Variants in PARD3B observed in about 807,000 individuals in gnomAD.
PARD3B encodes the protein partitioning defective 3 homolog B.
In PARD3B, 103 loss-of-function variants were observed where a neutral mutation model predicts 130.2. The ratio of observed to expected loss-of-function variants is 0.79; its 90% confidence interval spans 0.67 to 0.93. The LOEUF is 0.93. Among genes scored for constraint, PARD3B ranks in the 40% least tolerant of loss-of-function variants. The pLI is 0.00. For missense variants in PARD3B, 1,609 were observed against 1,499.2 expected (o/e 1.07, Z -1.21); for synonymous variants, 583 against 553.2 (o/e 1.05, Z -0.76).
In PARD3B at chr2:204,553,617, TATAC is replaced by T. The variant is rs1421663369; in HGVS notation, c.120+7502_120+7505del. On this transcript the variant is annotated intron_variant, in intron 1 of 22. Coordinates refer to ENST00000406610, the MANE Select transcript of PARD3B (RefSeq NM_001302769.2). Reference sequence around the variant, plus strand: ...ACATATATATGTATATATATGGCTATATACATATATATGGATATATATTTATATA... The same window carrying T: ...ACATATATATGTATATATATGGCTATATATATATGGATATATATTTATATA... Among the ~76,000 whole-genome samples, 354 of 137,808 alleles carry T rather than the reference TATAC, an allele frequency of 2.6e-3. 2 individuals are homozygous for T. The highest frequency in any genetic ancestry group is 9.3e-3 in the African/African-American group (331 of 35,544). The allele number at this position is 137,808 out of a possible 152,430, so 90.4% of individuals were successfully genotyped here.
chr2:205,055,038 T>C (rs1699547458), intron 4 of PARD3B, among the ~76,000 whole-genome samples: 1 of 152,138 alleles, frequency 6.6e-6, no homozygotes, highest in Admixed American at 6.6e-5. Flanking sequence ...GACTGTGAAC[T>C]CTTCAGAGGC....
At chr2:204,627,694 C>G (rs1368894844) in intron 1 of PARD3B, among the ~76,000 whole-genome samples, 1 of 152,038 alleles carries the variant, frequency 6.6e-6, no homozygotes, top group Admixed American at 6.6e-5. Flanking sequence ...TGTTCGTAAG[C>G]ATTATCTCCT....
At chr2:204,856,249 G>A (rs2044932335) in intron 2 of PARD3B, among the ~76,000 whole-genome samples, 1 of 152,112 alleles carries the variant, frequency 6.6e-6, no homozygotes, top group African/African-American at 2.4e-5. Flanking sequence ...TAACAGGCAG[G>A]AGGTGATATC....
At chr2:205,037,038 A>G (rs1236794244) in intron 3 of PARD3B, among the ~76,000 whole-genome samples, 4 of 150,182 alleles carry the variant, frequency 2.7e-5, no homozygotes, top group Admixed American at 6.7e-5. Flanking sequence ...AGCGGACTGT[A>G]TACATAAAAC....
intron 4 of PARD3B, among the ~76,000 whole-genome samples, chr2:205,087,591 CTG>C (rs1278900655): frequency 1.3e-5 from 2 of 151,868 alleles, no homozygotes; most frequent in East Asian, 3.8e-4. Context: ...TGTAATGAGA[CTG>C]TTACAAATGA....
intron 19 of PARD3B, among the ~76,000 whole-genome samples, chr2:205,419,926 T>C (rs1449501125): frequency 1.3e-5 from 2 of 152,106 alleles, no homozygotes; most frequent in Admixed American, 6.6e-5. Context: ...CAAAAAAAAA[T>C]CTGTTCAGTG....
At position 204,942,158 on chromosome 2, in the gene PARD3B, C is replaced by A. The variant is rs60132405; in HGVS notation, c.223-22994C>A. ...TTAGGATATAGTAATCAAAGCAGTT[C>A]TATGATGCTTGTTACAAACCAATTG... On this transcript the variant is annotated intron_variant, in intron 2 of 22. Transcript: ENST00000406610. Among the ~76,000 whole-genome samples the A allele has an allele frequency of 4.1e-3, 625 of 152,224 alleles. 8 individuals are homozygous for A. The highest frequency in any genetic ancestry group is 0.014 in the African/African-American group (564 of 41,526).
chr2:205,134,378 G>T (rs1289074711), intron 10 of PARD3B, among the ~76,000 whole-genome samples: 3 of 139,982 alleles, frequency 2.1e-5, no homozygotes, highest in Non-Finnish European at 4.8e-5. Flanking sequence ...AAAAAAATTA[G>T]CCAGGCATGG....
In PARD3B at chr2:205,565,220, T is replaced by C. The variant is rs555886954; in HGVS notation, c.3260+11817T>C. Among the ~76,000 whole-genome samples, 6 of 152,302 alleles carry C rather than the reference T, an allele frequency of 3.9e-5. No individual in the cohort carries two copies. The South Asian group carries it at 1.0e-3, about 26-fold the overall frequency. On this transcript the variant is annotated intron_variant, in intron 22 of 22. Transcript: ENST00000406610. ...TTTTACAAGGCACTGGAAAGATCTA[T>C]AATTGTTACAGCAGAGGTTTAAGAT... is the stretch of plus-strand genomic sequence containing the variant.
chr2:204,663,943 T>A (rs929168622), intron 1 of PARD3B, among the ~76,000 whole-genome samples: 1 of 152,216 alleles, frequency 6.6e-6, no homozygotes, highest in African/African-American at 2.4e-5. Flanking sequence ...GTAAAACACA[T>A]TTTTTAAGTG....
chr2:205,541,349 T>C (rs1447115753), intron 21 of PARD3B, among the ~76,000 whole-genome samples: 1 of 18,390 alleles, frequency 5.4e-5, no homozygotes, highest in Non-Finnish European at 9.3e-4. Flanking sequence ...GAAACTTTGT[T>C]TTTTTTTTTT....
chr2:205,346,995 G>C (rs2043819278), intron 18 of PARD3B, among the ~76,000 whole-genome samples: 1 of 152,020 alleles, frequency 6.6e-6, no homozygotes, highest in Non-Finnish European at 1.5e-5. Context: ...TCCATCTTGT[G>C]TTTATGCACT....
chr2:204,883,186 A>G (rs573571558), intron 2 of PARD3B, among the ~76,000 whole-genome samples: 23 of 151,808 alleles, frequency 1.5e-4, no homozygotes, highest in South Asian at 4.2e-4. Flanking sequence ...AGTGGAAATC[A>G]TCATCGACAC....
intron 16 of PARD3B, among the ~76,000 whole-genome samples, chr2:205,249,374 T>C (rs1383276104): frequency 6.6e-6 from 1 of 152,102 alleles, no homozygotes; most frequent in Non-Finnish European, 1.5e-5. Flanking sequence ...TCATCTGAGT[T>C]AAAATTTCTT....
chr2:205,000,754 A>G (rs1694761951), intron 3 of PARD3B, among the ~76,000 whole-genome samples: 1 of 152,122 alleles, frequency 6.6e-6, no homozygotes, highest in Non-Finnish European at 1.5e-5. Flanking sequence ...TAGAGTTTCA[A>G]ACTGATTTCC....
At chr2:204,953,082 A>G (rs201604025) in intron 2 of PARD3B, among the ~76,000 whole-genome samples, 1 of 128,110 alleles carries the variant, frequency 7.8e-6, no homozygotes, top group African/African-American at 2.9e-5. Flanking sequence ...AGAGGGAGAG[A>G]GAGAGACAGA....
At position 205,015,445 on chromosome 2, in the gene PARD3B, T is replaced by C. The variant is rs1271565791; in HGVS notation, c.395-32136T>C. On this transcript the variant is annotated intron_variant, in intron 3 of 22. Coordinates refer to ENST00000406610, the MANE Select transcript of PARD3B (RefSeq NM_001302769.2). The surrounding 1 kb of genome is among the most constrained non-coding windows in gnomAD (Gnocchi z 4.5). ...CAAGGGTCAACCATACTGACATGTT[T>C]ACATGTATTTCTCCTTGGCAAGATG... Among the ~76,000 whole-genome samples, 3 of 152,134 alleles carry C rather than the reference T, an allele frequency of 2.0e-5. No individual in the cohort carries two copies. The highest frequency in any genetic ancestry group is 4.4e-5 in the Non-Finnish European group (3 of 68,030).
chr2:204,862,468 A>G (rs1046572392), intron 2 of PARD3B, among the ~76,000 whole-genome samples: 1 of 152,222 alleles, frequency 6.6e-6, no homozygotes, highest in African/African-American at 2.4e-5. Context: ...TTTGATTATC[A>G]AGCACTTGAT....
rs1162429782 is a variant in PARD3B at position 205,263,697 on chromosome 2, C to T, written c.2185+17875C>T. On this transcript the variant is annotated intron_variant, in intron 16 of 22. Transcript: ENST00000406610. The surrounding 1 kb of genome is among the most constrained non-coding windows in gnomAD (Gnocchi z 4.0). ...TTTAGAGCACTAAAACCAGGAAGTA[C>T]AAAAAAATCAACAAATTAGATCTTC... Among the ~76,000 whole-genome samples the T allele has an allele frequency of 3.3e-5, 5 of 150,536 alleles. 1 individual carries two copies. Among genetic ancestry groups the T allele is most frequent in the Non-Finnish European group, 7.4e-5 (5 of 67,444 alleles).
Sources: gnomAD v4.1 joint callset for allele counts (sites outside exome capture counted in the v4.1 genomes callset) on GRCh38, gnomAD v4.1.1 for gene constraint, Gnocchi (gnomAD v3.1) non-coding constraint, MANE v1.5 for transcripts, NCBI Gene and HGNC (gene_info 2026-07-23, HGNC 2026-07-21) for gene names.